The following SYNE1 variants were observed in gnomAD, a reference collection of about 807,000 sequenced individuals.
SYNE1 encodes the protein nesprin-1.
SYNE1 carries 616 observed loss-of-function variants against 1,111.0 expected under a neutral mutation model. The observed-to-expected ratio is 0.55, with a 90% CI of 0.52 to 0.59. The LOEUF (loss-of-function observed/expected upper bound fraction) is 0.59. SYNE1 is among the 20% of genes least tolerant of loss of function. The probability of loss-of-function intolerance (pLI) is 0.00; values close to 1 mark genes in which losing one functional copy is unlikely to be tolerated. For missense variants in SYNE1, 10,006 were observed against 10,417.0 expected (o/e 0.96, Z 1.72); for synonymous variants, 3,855 against 3,825.8 (o/e 1.01, Z -0.28).
Position 152,402,749 on chromosome 6 carries a change from G to C in SYNE1, c.6826-1408C>G, listed in dbSNP as rs1330256482. On this transcript the variant is annotated intron_variant, in intron 46 of 145. Coordinates refer to ENST00000367255, the MANE Select transcript of SYNE1 (RefSeq NM_182961.4). ...TGCACACGTGTGTGTGTGTGTGAGA[G>C]AGAGAAAGACAGAGAGAGAGAGAAA... 2.0e-5 allele frequency: 3 copies of C among 146,400 alleles called. No individual in the cohort carries two copies. The South Asian group carries it at 6.7e-4, about 33-fold the overall frequency. The allele number at this position is 146,400 out of a possible 1,614,324, so 9.1% of individuals were successfully genotyped here.
intron 119 of SYNE1, among the ~76,000 whole-genome samples, chr6:152,219,747 G>T (rs1035408642): frequency 6.6e-6 from 1 of 152,202 alleles, no homozygotes; most frequent in South Asian, 2.1e-4. Flanking sequence ...TGGTGAGCAG[G>T]GGGTGAGAGT....
rs214973 is a variant in SYNE1, at chr6:152,453,782, A to G, written c.2893-62T>C. 714,736 of 1,608,128 alleles carry G rather than the reference A, an allele frequency of 0.44. 167,205 individuals carry two copies. The highest frequency in any genetic ancestry group is 0.78 in the East Asian group (34,773 of 44,838). On this transcript the variant is annotated intron_variant, in intron 24 of 145. Coordinates refer to ENST00000367255, the MANE Select transcript of SYNE1 (RefSeq NM_182961.4). ...CAGACGAAAAGGCAGCACCAGGCACAATCAGCCTCTAAGCCTCCAAACAAG... is the reference window on the plus strand; with the variant it reads ...CAGACGAAAAGGCAGCACCAGGCACGATCAGCCTCTAAGCCTCCAAACAAG...
chr6:152,548,091 G>T (rs1262227236), intron 3 of SYNE1, among the ~76,000 whole-genome samples: 1 of 152,182 alleles, frequency 6.6e-6, no homozygotes. Flanking sequence ...TTCTCAACTA[G>T]ACAAACCAGC....
rs1314626778 is a variant in SYNE1 at position 152,409,250 on chromosome 6, T to A, written c.6382-24A>T. On this transcript the variant is annotated intron_variant, in intron 43 of 145. Coordinates refer to ENST00000367255, the MANE Select transcript of SYNE1 (RefSeq NM_182961.4). Reference sequence around the variant, plus strand: ...TGCTGTGGATAAATGATTTCTTAATTAATAAAATAGTCAGTGATAAGTCAT... The same window carrying A: ...TGCTGTGGATAAATGATTTCTTAATAAATAAAATAGTCAGTGATAAGTCAT... 13 of 1,608,146 alleles carry A rather than the reference T, an allele frequency of 8.1e-6. No homozygotes were observed. The South Asian group carries it at 8.8e-5, about 11-fold the overall frequency.
At chr6:152,586,655 T>TACACAC (rs10530898) in intron 3 of SYNE1, among the ~76,000 whole-genome samples, 47 of 149,478 alleles carry the variant, frequency 3.1e-4, no homozygotes, top group South Asian at 2.3e-3. Context: ...CATACTCTCA[T>TACACAC]ACACACACAC....
In SYNE1 at chr6:152,248,291, C is replaced by T. The variant is rs182490468; in HGVS notation, c.19572+870G>A. Among the ~76,000 whole-genome samples the T allele has an allele frequency of 1.9e-4, 29 of 152,272 alleles. No homozygotes were observed. The East Asian group carries it at 2.9e-3, about 15-fold the overall frequency. ...CAAGATGATTTACCAGGATGAAACA[C>T]CACATCTTTCATTTATATTCAACCA... is the stretch of plus-strand genomic sequence containing the variant. On this transcript the variant is annotated intron_variant, in intron 105 of 145. Transcript: ENST00000367255.
chr6:152,282,072 T>G (rs1483634841), intron 96 of SYNE1, 92 bp from the exon 97 acceptor site: 2 of 1,339,540 alleles, frequency 1.5e-6, no homozygotes, highest in Non-Finnish European at 1.1e-6. Context: ...GCCCTGGCTG[T>G]ACATAAGAAT....
chr6:152,232,077 T>G (rs2082900162), intron 113 of SYNE1, 39 bp downstream of exon 113: 1 of 1,441,258 alleles, frequency 6.9e-7, no homozygotes, highest in Non-Finnish European at 9.7e-7. Flanking sequence ...TAAAATGGTC[T>G]GAAAATATGA....
intron 3 of SYNE1, among the ~76,000 whole-genome samples, chr6:152,604,470 A>T (rs1011403942): frequency 6.6e-6 from 1 of 151,578 alleles, no homozygotes; most frequent in Non-Finnish European, 1.5e-5. Context: ...CATCTGGCTA[A>T]TTTTTCTATT....
At chr6:152,240,106 G>A (rs992559712) in intron 107 of SYNE1, among the ~76,000 whole-genome samples, 3 of 152,154 alleles carry the variant, frequency 2.0e-5, no homozygotes, top group Non-Finnish European at 2.9e-5. Flanking sequence ...GGAGAGTGAG[G>A]AGTGCGCGAG....
chr6:152,496,501 C>G (rs778476759), intron 11 of SYNE1, among the ~76,000 whole-genome samples: 2 of 152,128 alleles, frequency 1.3e-5, no homozygotes, highest in Admixed American at 6.5e-5. Flanking sequence ...TGTTTAGTTT[C>G]TCAATTCACA....
At position 152,136,697 on chromosome 6, in the gene SYNE1, A is replaced by G. The variant is rs1435114325; in HGVS notation, c.25580T>C (p.Met8527Thr). The change falls in exon 141 of 146, where the codon ATG (methionine) becomes ACG (threonine). Residue 8527 changes from methionine to threonine, a missense_variant. Transcript: ENST00000367255. ...SRDLQDRLSQMNGRWDRVCSL... is the reference protein window; with the variant it reads ...SRDLQDRLSQTNGRWDRVCSL... ...GCACACTCGGTCCCAGCGCCCATTC[A>G]TCTGCGACAAGCGATCCTGCAGGTC... 1.2e-6 allele frequency: 2 copies of G among 1,614,226 alleles called. No individual in the cohort carries two copies. Among genetic ancestry groups the G allele is most frequent in the East Asian group, 4.5e-5 (2 of 44,874 alleles).
At chr6:152,135,044 G>A (rs1329836803) in intron 142 of SYNE1, 60 bp downstream of exon 142, 4 of 1,610,356 alleles carry the variant, frequency 2.5e-6, no homozygotes, top group Non-Finnish European at 2.5e-6. Flanking sequence ...TTCATTTTCT[G>A]TAAATGAAAT....
intron 4 of SYNE1, among the ~76,000 whole-genome samples, chr6:152,528,014 G>A (rs1412308712): frequency 6.6e-6 from 1 of 152,074 alleles, no homozygotes; most frequent in African/African-American, 2.4e-5. Flanking sequence ...GAACAGCTCA[G>A]CAGCCTACTG....
chr6:152,354,916 C>T lies in SYNE1; in HGVS notation c.10669G>A (p.Glu3557Lys), dbSNP rs1485693688. The T allele has an allele frequency of 3.7e-6, 6 of 1,614,042 alleles. No homozygotes were observed. The Admixed American group carries it at 6.7e-5, about 18-fold the overall frequency. Residue 3557 changes from glutamate (E) to lysine (K), a missense_variant, in exon 67 of 146, where the codon GAG becomes AAG. By Grantham distance (56) the Glu-to-Lys change is moderately conservative (BLOSUM62 1). Transcript: ENST00000367255. ...ALLNSVLHTR[E>K]DVIPSGIPQA... The stretch of plus-strand genomic sequence containing the variant: ...GGGATACCTGATGGGATCACATCCT[C>T]TCTGGTGTGCAGCACTGAGTTCAAC...
At chr6:152,301,756 G>C in intron 92 of SYNE1, 113 bp downstream of exon 92, 2 of 1,189,572 alleles carry the variant, frequency 1.7e-6, no homozygotes, top group Non-Finnish European at 2.3e-6. Context: ...TCCTCCCTCT[G>C]AATCTGCAAG....
intron 135 of SYNE1, 125 bp from the exon 136 acceptor site, chr6:152,149,793 T>C (rs1281761192): frequency 1.2e-6 from 1 of 812,378 alleles, no homozygotes; most frequent in African/African-American, 1.7e-5. Context: ...ATTGACCATA[T>C]ACAATCACAA....
chr6:152,230,934 C>T (rs374598965), intron 114 of SYNE1, among the ~76,000 whole-genome samples: 10 of 151,148 alleles, frequency 6.6e-5, no homozygotes, highest in African/African-American at 1.9e-4. Flanking sequence ...TAACAATAGC[C>T]GACGATCTAA....
At chr6:152,407,819 T>C (rs773985414) in intron 44 of SYNE1, among the ~76,000 whole-genome samples, 1 of 149,312 alleles carries the variant, frequency 6.7e-6, no homozygotes, top group African/African-American at 2.5e-5. Context: ...TAGAGCGCAG[T>C]GGTGCGATCT....
Sources: gnomAD v4.1 joint callset for allele counts (sites outside exome capture counted in the v4.1 genomes callset) on GRCh38, gnomAD v4.1.1 for gene constraint, MANE v1.5 for transcripts, NCBI Gene and HGNC (gene_info 2026-07-23, HGNC 2026-07-21) for gene names.